Variants in INPP4B observed in about 807,000 individuals in gnomAD.
INPP4B encodes the protein inositol polyphosphate-4-phosphatase type II B.
A neutral mutation model predicts 122.5 loss-of-function variants in INPP4B; 55 were observed. The ratio of observed to expected loss-of-function variants is 0.45; its 90% CI spans 0.36 to 0.56. INPP4B has a LOEUF of 0.56. Ranked by LOEUF, INPP4B falls within the 20% of genes least tolerant of loss-of-function variation. The probability of loss-of-function intolerance (pLI) is 0.00; values close to 1 mark genes in which losing one functional copy is unlikely to be tolerated. For missense variants in INPP4B, 1,000 were observed against 1,097.7 expected (o/e 0.91, Z 1.26); for synonymous variants, 403 against 388.7 (o/e 1.04, Z -0.43).
rs1273704776 is a variant in INPP4B, at chr4:142,028,525, C to CTCAA, written c.*253_*256dup. 5.0e-5 allele frequency: 21 copies of CTCAA among 423,236 alleles called. No individual in the cohort carries two copies. The highest frequency in any genetic ancestry group is 6.4e-4 in the Middle Eastern group (1 of 1,566). 26.2% of individuals were successfully genotyped at this position (423,236 alleles called of 1,614,324 possible). A position where few individuals can be genotyped will look rare whatever the true frequency, so the allele number is the denominator to read the frequency against. On this transcript the variant is annotated 3_prime_UTR_variant, in exon 26 of 26. Coordinates refer to ENST00000262992, the MANE Select transcript of INPP4B (RefSeq NM_001101669.3). ...TGAAATTTACACTTTGTGAACCAAT[C>CTCAA]TCAATCAGCTAGGCTCAACACATAG...
In INPP4B at chr4:142,638,994, G is replaced by C. The variant is rs150675441; in HGVS notation, c.-191+86845C>G. ...AAGTTGTTATCATGAATGGGTGTTG[G>C]AGTTTAGTCAAATTTTTTTGTTTTG... On this transcript the variant is annotated intron_variant, in intron 2 of 25. Coordinates refer to ENST00000262992, the MANE Select transcript of INPP4B (RefSeq NM_001101669.3). Among the ~76,000 whole-genome samples the C allele has an allele frequency of 3.2e-3, 493 of 152,226 alleles. 6 individuals carry two copies. Among genetic ancestry groups the C allele is most frequent in the Admixed American group, 0.024 (372 of 15,266 alleles).
At chr4:142,308,092 G>A (rs1292438135) in intron 8 of INPP4B, among the ~76,000 whole-genome samples, 3 of 152,190 alleles carry the variant, frequency 2.0e-5, no homozygotes, top group East Asian at 1.9e-4. Flanking sequence ...GAAGCAGAAC[G>A]TTGGCTTGTC....
intron 1 of INPP4B, among the ~76,000 whole-genome samples, chr4:142,806,406 A>C (rs1291927013): frequency 6.6e-6 from 1 of 152,022 alleles, no homozygotes; most frequent in Non-Finnish European, 1.5e-5. Context: ...TTTTTTTAAA[A>C]AGAAACACCT....
intron 5 of INPP4B, among the ~76,000 whole-genome samples, chr4:142,427,793 T>C (rs1005726619): frequency 1.3e-5 from 2 of 151,998 alleles, no homozygotes; most frequent in African/African-American, 4.8e-5. Context: ...AAAAAGTGAG[T>C]TTCTTCTCTT....
At chr4:142,675,710 T>G (rs1228997447) in intron 2 of INPP4B, among the ~76,000 whole-genome samples, 1 of 152,062 alleles carries the variant, frequency 6.6e-6, no homozygotes, top group African/African-American at 2.4e-5. Context: ...ATTCAATAAG[T>G]GTAATCCATC....
chr4:142,407,503 T>C (rs913791751), intron 5 of INPP4B, among the ~76,000 whole-genome samples: 2 of 152,206 alleles, frequency 1.3e-5, no homozygotes, highest in Admixed American at 1.3e-4. Flanking sequence ...AAAATTTCTA[T>C]TACACTGAAA....
In INPP4B at chr4:142,814,774, A is replaced by C. The variant is rs1180342829; in HGVS notation, c.-254+31435T>G. 3.9e-5 allele frequency among the ~76,000 whole-genome samples: 6 copies of C among 152,162 alleles called. No individual in the cohort carries two copies. In the East Asian group the frequency reaches 1.2e-3, roughly 29 times the overall value. On this transcript the variant is annotated intron_variant, in intron 1 of 25. Coordinates refer to ENST00000262992, the MANE Select transcript of INPP4B (RefSeq NM_001101669.3). ...GTGATATAAATAAATGATGGATTAA[A>C]TATAGAAGAGACAAAACTCCTGTGA...
intron 25 of INPP4B, among the ~76,000 whole-genome samples, chr4:142,070,793 C>A (rs929295612): frequency 1.3e-5 from 2 of 152,000 alleles, no homozygotes; most frequent in African/African-American, 4.8e-5. Flanking sequence ...ATGTGAAGGA[C>A]CTTTTATGGA....
chr4:142,750,003 T>G (rs1186088639), intron 1 of INPP4B, among the ~76,000 whole-genome samples: 2 of 151,976 alleles, frequency 1.3e-5, no homozygotes, highest in Non-Finnish European at 2.9e-5. Flanking sequence ...GGCTATGCAT[T>G]TCAAAAGCAT....
At chr4:142,799,308 A>C (rs1369778418) in intron 1 of INPP4B, among the ~76,000 whole-genome samples, 1 of 151,888 alleles carries the variant, frequency 6.6e-6, no homozygotes. Flanking sequence ...ATTTTTCAAC[A>C]ATTTTAAATT....
intron 3 of INPP4B, among the ~76,000 whole-genome samples, chr4:142,441,495 C>A (rs182642428): frequency 1.3e-5 from 2 of 152,002 alleles, no homozygotes; most frequent in African/African-American, 4.8e-5. Context: ...TTCTGAGGTG[C>A]CTTAGAAACA....
At position 142,238,001 on chromosome 4, in the gene INPP4B, G is replaced by C. The variant is rs557581996; in HGVS notation, c.699C>G (p.Asn233Lys). The change falls in exon 12 of 26, where the codon AAC becomes AAG. Residue 233 changes from asparagine (N) to lysine (K), a missense_variant. Asn to Lys is a moderately conservative substitution (Grantham distance 94, BLOSUM62 0). Transcript: ENST00000262992. ...NLPFLNSVLK[N>K]PVCKLYRFPT... ...GAAATCTATATAATTTACATACTGG[G>C]TTCTTTAACACTGGAAAAAAAAAGA... is the stretch of plus-strand genomic sequence containing the variant. 3 of 1,523,756 alleles carry C rather than the reference G, an allele frequency of 2.0e-6. No individual in the cohort carries two copies. The highest frequency in any genetic ancestry group is 2.7e-6 in the Non-Finnish European group (3 of 1,110,406). 94.4% of individuals were successfully genotyped at this position (1,523,756 alleles called of 1,614,324 possible). A position where few individuals can be genotyped will look rare whatever the true frequency, so the allele number is the denominator to read the frequency against.
chr4:142,436,283 C>T (rs373426636), intron 3 of INPP4B, among the ~76,000 whole-genome samples: 3 of 152,188 alleles, frequency 2.0e-5, no homozygotes, highest in East Asian at 1.9e-4. Context: ...TAGAGAAAGG[C>T]GTGGCAATAG....
intron 23 of INPP4B, among the ~76,000 whole-genome samples, chr4:142,103,993 C>T (rs1172772564): frequency 3.3e-5 from 5 of 151,976 alleles, no homozygotes; most frequent in Non-Finnish European, 7.4e-5. Flanking sequence ...TAAAAAAAAG[C>T]CCTGTTTTTC....
chr4:142,804,802 G>A (rs1363162563), intron 1 of INPP4B, among the ~76,000 whole-genome samples: 1 of 152,148 alleles, frequency 6.6e-6, no homozygotes, highest in African/African-American at 2.4e-5. Flanking sequence ...AAGCAGCTGG[G>A]ACTACAGGTT....
In INPP4B at chr4:142,026,098, A is replaced by AT; in HGVS notation, c.*2683dup. The AT allele has an allele frequency of 6.6e-6, 1 of 152,246 alleles. No individual in the cohort carries two copies. The highest frequency in any genetic ancestry group is 2.1e-4 in the South Asian group (1 of 4,826). The allele number at this position is 152,246 out of a possible 1,614,324, so 9.4% of individuals were successfully genotyped here. On this transcript the variant is annotated 3_prime_UTR_variant, in exon 26 of 26. Transcript: ENST00000262992. ...TTTGGAAATGTCATTTGCTCAGTTC[A>AT]TTTTTTGGCTCAATATGACCTCCTA...
intron 2 of INPP4B, among the ~76,000 whole-genome samples, chr4:142,624,546 G>A (rs1430125956): frequency 6.6e-6 from 1 of 152,056 alleles, no homozygotes; most frequent in East Asian, 1.9e-4. Flanking sequence ...AATTCTATCA[G>A]AGGTACAAGA....
chr4:142,708,636 A>G (rs541616474), intron 2 of INPP4B, among the ~76,000 whole-genome samples: 3 of 152,342 alleles, frequency 2.0e-5, no homozygotes, highest in Non-Finnish European at 4.4e-5. Context: ...CCACGTGCAC[A>G]GAGGGCAAGA....
chr4:142,451,605 G>C (rs1211058539), intron 3 of INPP4B, among the ~76,000 whole-genome samples: 1 of 152,042 alleles, frequency 6.6e-6, no homozygotes, highest in Non-Finnish European at 1.5e-5. Context: ...CAGCATTCTG[G>C]TTACTTAACA....
Sources: allele counts gnomAD v4.1 joint callset (sites outside exome capture counted in the v4.1 genomes callset), GRCh38; gene constraint gnomAD v4.1.1; transcripts MANE v1.5; gene names NCBI Gene and HGNC (gene_info 2026-07-23, HGNC 2026-07-21).